Variants in PDE4D observed in about 807,000 individuals in gnomAD.
PDE4D encodes the protein phosphodiesterase 4D.
Under a neutral mutation model 87.4 loss-of-function variants are expected in PDE4D, and 24 were observed. The ratio of observed to expected loss-of-function variants is 0.27; its 90% confidence interval spans 0.20 to 0.39. PDE4D has a LOEUF of 0.39. Ranked by LOEUF, PDE4D falls within the 10% of genes least tolerant of loss-of-function variation. The pLI is 1.00. For synonymous variants in PDE4D, 384 were observed against 383.2 expected (o/e 1.00, Z -0.02); for missense variants, 714 against 1,041.0 (o/e 0.69, Z 4.32).
intron 1 of PDE4D, among the ~76,000 whole-genome samples, chr5:60,391,347 T>A (rs1182645435): frequency 6.6e-6 from 1 of 152,198 alleles, no homozygotes; most frequent in Non-Finnish European, 1.5e-5. Context: ...TTCCTACTGC[T>A]ACTTTAACAA....
intron 1 of PDE4D, among the ~76,000 whole-genome samples, chr5:60,188,614 T>C (rs1001929499): frequency 1.3e-5 from 2 of 151,824 alleles, no homozygotes; most frequent in African/African-American, 2.4e-5. Context: ...GGAGGGGAAA[T>C]GGTAGATGTG....
At chr5:59,551,225 TA>T (rs1818061656) in intron 1 of PDE4D, among the ~76,000 whole-genome samples, 1 of 151,376 alleles carries the variant, frequency 6.6e-6, no homozygotes, top group South Asian at 2.1e-4. Context: ...TACTCATTTT[TA>T]TTTTATTTTA....
At chr5:59,380,275 C>G (rs556885526) in intron 1 of PDE4D, among the ~76,000 whole-genome samples, 1 of 150,736 alleles carries the variant, frequency 6.6e-6, no homozygotes, top group South Asian at 2.1e-4. Flanking sequence ...ATAGGACTCA[C>G]CACATGAAAA....
intron 3 of PDE4D, among the ~76,000 whole-genome samples, chr5:59,956,158 C>T (rs559815325): frequency 1.3e-5 from 2 of 152,198 alleles, no homozygotes; most frequent in East Asian, 3.9e-4. Flanking sequence ...CAGAAAACCC[C>T]GAATAATAAA....
intron 1 of PDE4D, among the ~76,000 whole-genome samples, chr5:59,832,952 A>C (rs1741476055): frequency 6.6e-6 from 1 of 152,048 alleles, no homozygotes. Context: ...GGGGGCCGGA[A>C]GGAACGTAAG....
intron 1 of PDE4D, among the ~76,000 whole-genome samples, chr5:59,660,174 G>T (rs1327097037): frequency 6.6e-6 from 1 of 151,854 alleles, no homozygotes; most frequent in Admixed American, 6.6e-5. Context: ...GGGCAACAGA[G>T]TCTCACTCTG....
intron 3 of PDE4D, among the ~76,000 whole-genome samples, chr5:59,924,427 G>C (rs1179692431): frequency 6.6e-6 from 1 of 152,034 alleles, no homozygotes; most frequent in African/African-American, 2.4e-5. Context: ...CTACCTCAAG[G>C]CATTTAATAA....
intron 5 of PDE4D, among the ~76,000 whole-genome samples, chr5:59,134,998 G>A (rs1025957788): frequency 6.6e-6 from 1 of 152,156 alleles, no homozygotes; most frequent in African/African-American, 2.4e-5. Flanking sequence ...GAAACCATGA[G>A]TTCAGCTATT....
chr5:60,269,441 G>A (rs1166962551), intron 1 of PDE4D, among the ~76,000 whole-genome samples: 2 of 152,180 alleles, frequency 1.3e-5, no homozygotes, highest in African/African-American at 2.4e-5. Context: ...TTTTATCATA[G>A]GGATTTAATT....
At chr5:59,514,205 A>C (rs185876661) in intron 1 of PDE4D, among the ~76,000 whole-genome samples, 68 of 150,416 alleles carry the variant, frequency 4.5e-4, no homozygotes, top group Middle Eastern at 3.4e-3. Flanking sequence ...TCCCGGGTTC[A>C]CACCATTCTC....
intron 5 of PDE4D, among the ~76,000 whole-genome samples, chr5:59,074,051 A>G (rs1765295693): frequency 6.6e-6 from 1 of 152,208 alleles, no homozygotes; most frequent in African/African-American, 2.4e-5. Flanking sequence ...ATCTCTTATT[A>G]TTTAAGCTAT....
intron 1 of PDE4D, among the ~76,000 whole-genome samples, chr5:59,684,583 G>C (rs1416274987): frequency 6.6e-6 from 1 of 152,094 alleles, no homozygotes; most frequent in Non-Finnish European, 1.5e-5. Context: ...CATTGTAATA[G>C]AAAATAAGAA....
At chr5:59,282,460 G>A (rs1410968936) in intron 1 of PDE4D, among the ~76,000 whole-genome samples, 2 of 151,868 alleles carry the variant, frequency 1.3e-5, no homozygotes, top group Admixed American at 6.6e-5. Flanking sequence ...GGCAAACATG[G>A]TGAAACCCCG....
At chr5:59,715,526 C>G (rs1230415483) in intron 1 of PDE4D, among the ~76,000 whole-genome samples, 2 of 152,172 alleles carry the variant, frequency 1.3e-5, no homozygotes, top group Non-Finnish European at 2.9e-5. Flanking sequence ...AGTCAATGGG[C>G]TGAAGTCAGA....
chr5:59,330,770 G>A (rs1776581290), intron 1 of PDE4D, among the ~76,000 whole-genome samples: 2 of 152,100 alleles, frequency 1.3e-5, no homozygotes, highest in African/African-American at 4.8e-5. Context: ...TGTTGTTTCA[G>A]CTACTTACAA....
chr5:60,386,294 T>G (rs955028355), intron 1 of PDE4D, among the ~76,000 whole-genome samples: 1 of 152,222 alleles, frequency 6.6e-6, no homozygotes, highest in Non-Finnish European at 1.5e-5. Flanking sequence ...CTTCTCAAGC[T>G]GTGTGCCTCT....
chr5:60,276,264 C>T (rs1272042261), intron 1 of PDE4D, among the ~76,000 whole-genome samples: 1 of 152,132 alleles, frequency 6.6e-6, no homozygotes, highest in Non-Finnish European at 1.5e-5. Context: ...TCTATTTCTC[C>T]TTTCAGTTCC....
chr5:59,306,004 T>C (rs1771269281), intron 1 of PDE4D, among the ~76,000 whole-genome samples: 1 of 152,166 alleles, frequency 6.6e-6, no homozygotes, highest in Non-Finnish European at 1.5e-5. Flanking sequence ...TCCCCCACTA[T>C]TGTTGTGTTG....
At chr5:59,083,151 T>C (rs1236483999) in intron 5 of PDE4D, among the ~76,000 whole-genome samples, 1 of 152,146 alleles carries the variant, frequency 6.6e-6, no homozygotes, top group Non-Finnish European at 1.5e-5. Flanking sequence ...TTTTGGGTTC[T>C]AGTTCTTCTT....
Sources: allele counts gnomAD v4.1 joint callset (sites outside exome capture counted in the v4.1 genomes callset), GRCh38; gene constraint gnomAD v4.1.1; transcripts MANE v1.5; gene names NCBI Gene and HGNC (gene_info 2026-07-23, HGNC 2026-07-21).